The following CEP63 variants were observed in gnomAD, a reference collection of about 807,000 sequenced individuals.
The protein encoded by CEP63 is centrosomal protein of 63 kDa.
In CEP63, 84 loss-of-function variants were observed where a neutral mutation model predicts 89.1. The observed-to-expected ratio is 0.94, with a 90% CI of 0.79 to 1.13. The LOEUF (loss-of-function observed/expected upper bound fraction) is 1.13. Among genes scored for constraint, CEP63 ranks in the 50% most tolerant of loss-of-function variants. The probability of loss-of-function intolerance (pLI) is 0.00; values close to 1 mark genes in which losing one functional copy is unlikely to be tolerated. For synonymous variants in CEP63, 267 were observed against 272.5 expected, an observed-to-expected ratio of 0.98 and a Z score of 0.20; for missense variants, 838 against 813.3, an observed-to-expected ratio of 1.03 and a Z score of -0.37.
chr3:134,694,537 CT>C, the CEP63 span, among the ~76,000 whole-genome samples: 1 of 152,206 alleles, frequency 6.6e-6, no homozygotes, highest in African/African-American at 2.4e-5. Flanking sequence ...GAATGTTTGT[CT>C]GTGCCTGGGC....
At chr3:134,650,999 C>A in the CEP63 span, 11 of 1,611,686 alleles carry the variant, frequency 6.8e-6, no homozygotes, top group African/African-American at 6.7e-5. Flanking sequence ...CGCGGCCGCA[C>A]GCTAGGCTGC....
At chr3:134,689,881 GA>G in the CEP63 span, among the ~76,000 whole-genome samples, 2,261 of 152,344 alleles carry the variant, frequency 0.015, 29 homozygotes, top group Non-Finnish European at 0.025. Flanking sequence ...CAGGAACACT[GA>G]AAGAGTGGGC....
chr3:134,588,800 A>G (rs1316236554), downstream of CEP63, among the ~76,000 whole-genome samples: 1 of 149,932 alleles, frequency 6.7e-6, no homozygotes, highest in African/African-American at 2.5e-5. Flanking sequence ...GGCTAATAAG[A>G]TTGATTGAAC....
rs984044087 is a variant in CEP63 at position 134,559,374 on chromosome 3, A to G, written c.1898A>G (p.Asn633Ser). 6 of 1,613,888 alleles carry G rather than the reference A, an allele frequency of 3.7e-6. No individual in the cohort carries two copies. The highest frequency in any genetic ancestry group is 4.2e-6 in the Non-Finnish European group (5 of 1,179,920). Residue 633 changes from asparagine to serine, a missense_variant, in exon 14 of 15, where the codon AAT becomes AGT. Physicochemically the swap from Asn to Ser is conservative, Grantham distance 46. Transcript: ENST00000675561. ...LPSALDTNEA[N>S]FSDTMSESMN... ...TCAGCGCTAGATACAAATGAAGCCA[A>G]TTTTTCTGACACTATGTCTGAGAGT...
the CEP63 span, among the ~76,000 whole-genome samples, chr3:134,697,366 G>A: frequency 2.0e-5 from 3 of 152,122 alleles, no homozygotes; most frequent in Non-Finnish European, 4.4e-5. Context: ...TGTTTTCGAT[G>A]GCAAGACATA....
the CEP63 span, chr3:134,607,900 A>T: frequency 2.0e-6 from 2 of 992,064 alleles, no homozygotes; most frequent in Non-Finnish European, 2.4e-6. Flanking sequence ...CTTGGCCCTC[A>T]TCCAGGGGTG....
intron 1 of CEP63, among the ~76,000 whole-genome samples, chr3:134,494,162 C>G: frequency 6.6e-6 from 1 of 151,824 alleles, no homozygotes; most frequent in South Asian, 2.1e-4. Context: ...GCCACCCAGG[C>G]TGTAGTGCAA....
chr3:134,554,822 C>T (rs1955793984), intron 12 of CEP63, among the ~76,000 whole-genome samples: 1 of 152,300 alleles, frequency 6.6e-6, no homozygotes, highest in South Asian at 2.1e-4. Flanking sequence ...ATTTGCACTT[C>T]TCTGATGGCC....
the CEP63 span, among the ~76,000 whole-genome samples, chr3:134,724,626 G>A: frequency 1.1e-4 from 17 of 152,198 alleles, no homozygotes; most frequent in Admixed American, 6.5e-4. Context: ...ATATAAAATC[G>A]TAAGTGATAG....
the CEP63 span, among the ~76,000 whole-genome samples, chr3:134,694,511 T>C: frequency 2.0e-5 from 3 of 152,334 alleles, no homozygotes; most frequent in African/African-American, 7.2e-5. Context: ...GATGTTTGTC[T>C]GTGCCTGTTT....
chr3:134,638,778 C>A, the CEP63 span, among the ~76,000 whole-genome samples: 2 of 152,216 alleles, frequency 1.3e-5, no homozygotes, highest in Non-Finnish European at 2.9e-5. Context: ...AGGTTTCAAT[C>A]AGGATTTATC....
At chr3:134,643,246 T>C in the CEP63 span, 1 of 1,478,842 alleles carries the variant, frequency 6.8e-7, no homozygotes, top group Non-Finnish European at 9.4e-7. Context: ...TCCTGGGCTG[T>C]CGCTGGCCAG....
At chr3:134,527,416 G>T (rs1023916582) in intron 3 of CEP63, among the ~76,000 whole-genome samples, 1 of 152,136 alleles carries the variant, frequency 6.6e-6, no homozygotes, top group Non-Finnish European at 1.5e-5. Flanking sequence ...GCAAGGAAGG[G>T]GCACTGGTGG....
intron 1 of CEP63, among the ~76,000 whole-genome samples, chr3:134,489,380 G>T (rs1936871086): frequency 6.6e-6 from 1 of 151,966 alleles, no homozygotes; most frequent in Non-Finnish European, 1.5e-5. Flanking sequence ...TAGTTGGGGG[G>T]GTTGGACAGA....
Position 134,532,762 on chromosome 3 carries a change from A to G in CEP63, c.319-16A>G. 2 of 1,590,580 alleles carry G rather than the reference A, an allele frequency of 1.3e-6. No homozygotes were observed. The highest frequency in any genetic ancestry group is 8.6e-7 in the Non-Finnish European group (1 of 1,161,502). On this transcript the variant is annotated splice_polypyrimidine_tract_variant and intron_variant, in intron 4 of 14. Coordinates refer to ENST00000675561, the MANE Select transcript of CEP63 (RefSeq NM_001353108.3). Reference sequence around the variant, plus strand: ...AAATTCTTAAACTTTAAATATAGAAATAACTGTTTCTACAGTTATGCATAC... The same window carrying G: ...AAATTCTTAAACTTTAAATATAGAAGTAACTGTTTCTACAGTTATGCATAC...
At chr3:134,627,901 C>A in the CEP63 span, 1 of 1,104,590 alleles carries the variant, frequency 9.1e-7, no homozygotes, top group Non-Finnish European at 1.4e-6. Flanking sequence ...TCTGGTGGTC[C>A]TTGCTTTTGA....
At chr3:134,528,816 A>G (rs1949272318) in intron 3 of CEP63, among the ~76,000 whole-genome samples, 1 of 152,032 alleles carries the variant, frequency 6.6e-6, no homozygotes, top group Non-Finnish European at 1.5e-5. Flanking sequence ...CATACTTTCT[A>G]ATTTTGGATC....
At chr3:134,732,096 T>G in the CEP63 span, among the ~76,000 whole-genome samples, 4 of 152,084 alleles carry the variant, frequency 2.6e-5, no homozygotes, top group African/African-American at 9.7e-5. Flanking sequence ...AAAATACTGA[T>G]CCTGCAGAGA....
chr3:134,735,275 G>A, the CEP63 span, among the ~76,000 whole-genome samples: 1 of 151,988 alleles, frequency 6.6e-6, no homozygotes, highest in African/African-American at 2.4e-5. Context: ...CAATGAATTT[G>A]TTCTCCCTTT....
Sources: allele counts gnomAD v4.1 joint callset (sites outside exome capture counted in the v4.1 genomes callset), GRCh38; gene constraint gnomAD v4.1.1; transcripts MANE v1.5; gene names NCBI Gene and HGNC (gene_info 2026-07-23, HGNC 2026-07-21).